ATP2B4: variants seen among roughly 807,000 people sequenced by gnomAD.
ATP2B4 encodes plasma membrane calcium-transporting ATPase 4.
Under a neutral mutation model 110.3 loss-of-function variants are expected in ATP2B4, and 39 were observed. That is an observed-to-expected ratio of 0.35 (90% CI 0.27 to 0.46). The LOEUF is 0.46. Among genes scored for constraint, ATP2B4 ranks in the 20% least tolerant of loss-of-function variants. The probability of loss-of-function intolerance (pLI) is 1.00; values close to 1 mark genes in which losing one functional copy is unlikely to be tolerated. For synonymous variants in ATP2B4, 538 were observed against 571.7 expected (o/e 0.94, Z 0.84); for missense variants, 1,135 against 1,530.9 (o/e 0.74, Z 4.32).
chr1:203,704,611 G>T (rs778280876), intron 8 of ATP2B4, among the ~76,000 whole-genome samples: 1 of 150,320 alleles, frequency 6.7e-6, no homozygotes, highest in Non-Finnish European at 1.5e-5. Flanking sequence ...CACCCAAGTA[G>T]CAGGGACTAC....
intron 1 of ATP2B4, among the ~76,000 whole-genome samples, chr1:203,645,911 C>T (rs758864687): frequency 2.8e-4 from 43 of 151,848 alleles, no homozygotes. Context: ...TTCATAGGAA[C>T]GTTGACATAG....
At chr1:203,720,462 A>G (rs2102213245) in intron 15 of ATP2B4, 87 bp from the exon 16 acceptor site, 5 of 1,339,244 alleles carry the variant, frequency 3.7e-6, no homozygotes, top group South Asian at 1.5e-5. Flanking sequence ...TAGTATTTAC[A>G]CTGACTTCGG....
chr1:203,672,489 A>G (rs987208741), intron 1 of ATP2B4, among the ~76,000 whole-genome samples: 2 of 152,112 alleles, frequency 1.3e-5, no homozygotes. Flanking sequence ...ATAGCAACCT[A>G]AAGCGACTGT....
chr1:203,728,058 C>T (rs943707297), intron 20 of ATP2B4: 4 of 360,558 alleles, frequency 1.1e-5, no homozygotes, highest in African/African-American at 8.6e-5. Flanking sequence ...AGAAACTCAC[C>T]TTGTTATATC....
chr1:203,706,121 C>T (rs1222484894), intron 8 of ATP2B4, among the ~76,000 whole-genome samples: 2 of 152,208 alleles, frequency 1.3e-5, no homozygotes, highest in African/African-American at 4.8e-5. Context: ...AGGCAGCACC[C>T]ATGGCAATCA....
At chr1:203,636,359 G>A (rs1663438540) in intron 1 of ATP2B4, among the ~76,000 whole-genome samples, 1 of 152,028 alleles carries the variant, frequency 6.6e-6, no homozygotes, top group Non-Finnish European at 1.5e-5. Flanking sequence ...TCGTCGCTCT[G>A]GAGAGAGATT....
At chr1:203,733,270 CCT>C in intron 20 of ATP2B4, 1 of 1,614,050 alleles carries the variant, frequency 6.2e-7, no homozygotes, top group Non-Finnish European at 8.5e-7. Flanking sequence ...TTAAGGGAGT[CCT>C]AAGGCGACAG....
intron 2 of ATP2B4, among the ~76,000 whole-genome samples, chr1:203,693,500 C>A (rs1170137733): frequency 6.6e-6 from 1 of 152,150 alleles, no homozygotes; most frequent in Admixed American, 6.5e-5. Flanking sequence ...AAGAAGCAAG[C>A]AAGTGACTTT....
intron 2 of ATP2B4, among the ~76,000 whole-genome samples, 155 bp from the exon 3 acceptor site, chr1:203,698,002 G>A (rs138284028): frequency 2.0e-5 from 3 of 149,686 alleles, no homozygotes; most frequent in Admixed American, 6.6e-5. Context: ...ACCATGCCTG[G>A]CCTCTTTATT....
rs75719773 is a variant in ATP2B4 at position 203,658,865 on chromosome 1, G to A, written c.-464-23877G>A. Among the ~76,000 whole-genome samples the A allele has an allele frequency of 5.8e-3, 887 of 152,006 alleles. 45 individuals carry two copies. In the East Asian group the frequency reaches 0.12, roughly 20 times the overall value. ...CTAAAAATACAAAAATTAGCTGGGC[G>A]TGGTGGTGTGTGCCTGTAATCCCAG... On this transcript the variant is annotated intron_variant, in intron 1 of 20. Transcript: ENST00000357681.
chr1:203,659,784 TA>T (rs967102449), intron 1 of ATP2B4, among the ~76,000 whole-genome samples: 21 of 151,750 alleles, frequency 1.4e-4, no homozygotes, highest in African/African-American at 3.4e-4. Context: ...ACCCTGTTGC[TA>T]AAAAAAATAT....
intron 15 of ATP2B4, among the ~76,000 whole-genome samples, chr1:203,717,660 G>T (rs201887312): frequency 1.6e-5 from 1 of 61,834 alleles, no homozygotes; most frequent in Non-Finnish European, 3.7e-5. Flanking sequence ...ATTTATTTAT[G>T]AGACGGGGCC....
rs141864291 is a variant in ATP2B4 at position 203,720,289 on chromosome 1, T to A, written c.2407-260T>A. ...CTACCTTTTAATTAGTTTCCAAGGT[T>A]GAGGGAGTAGGAGGGGAGGGTGAAA... On this transcript the variant is annotated intron_variant, in intron 15 of 20. Transcript: ENST00000357681. 9.8e-4 allele frequency among the ~76,000 whole-genome samples: 149 copies of A among 152,292 alleles called. 1 individual carries two copies. Among genetic ancestry groups the A allele is most frequent in the Middle Eastern group, 3.4e-3 (1 of 294 alleles).
rs1362906060 is a variant in ATP2B4, at chr1:203,627,050, C to T, written c.-634C>T. ...ATTGGAGGGGCAGGGGGAGGAGACC[C>T]AGCCCACTCCCCGGCCTTAGCCAGA... On this transcript the variant is annotated 5_prime_UTR_variant, in exon 1 of 21. Coordinates refer to ENST00000357681, the MANE Select transcript of ATP2B4 (RefSeq NM_001684.5). The T allele has an allele frequency of 6.6e-6, 1 of 152,308 alleles. No homozygotes were observed. The highest frequency in any genetic ancestry group is 1.5e-5 in the Non-Finnish European group (1 of 68,114). 9.4% of individuals were successfully genotyped at this position (152,308 alleles called of 1,614,324 possible).
At chr1:203,657,081 A>G (rs1664184936) in intron 1 of ATP2B4, 1 of 841,008 alleles carries the variant, frequency 1.2e-6, no homozygotes, top group Non-Finnish European at 2.0e-6. Context: ...ATTCGCTCAC[A>G]TTTACCTCAA....
At chr1:203,709,184 C>T (rs375614081) in intron 10 of ATP2B4, 117 bp from the exon 11 acceptor site, 2 of 1,369,326 alleles carry the variant, frequency 1.5e-6, no homozygotes, top group East Asian at 2.3e-5. Context: ...AATGTTATTT[C>T]CCCTATGAGC....
chr1:203,728,359 A>G (rs1367987733), intron 20 of ATP2B4: 1 of 324,328 alleles, frequency 3.1e-6, no homozygotes, highest in Non-Finnish European at 6.1e-6. Flanking sequence ...GCGCTGATCT[A>G]AGCATTGATA....
chr1:203,693,626 A>T (rs1275369245), intron 2 of ATP2B4, among the ~76,000 whole-genome samples: 1 of 152,200 alleles, frequency 6.6e-6, no homozygotes, highest in African/African-American at 2.4e-5. Context: ...TACAAAATTC[A>T]TAGGTTTGGA....
chr1:203,639,974 A>G (rs1257604031), intron 1 of ATP2B4, among the ~76,000 whole-genome samples: 1 of 152,246 alleles, frequency 6.6e-6, no homozygotes. Context: ...GAGTGGATTT[A>G]GCTTCAGTTG....
Sources: gnomAD v4.1 joint callset for allele counts (sites outside exome capture counted in the v4.1 genomes callset) on GRCh38, gnomAD v4.1.1 for gene constraint, MANE v1.5 for transcripts, NCBI Gene and HGNC (gene_info 2026-07-23, HGNC 2026-07-21) for gene names.